The following CAPS2 variants were observed in gnomAD, a reference collection of about 807,000 sequenced individuals.
CAPS2 encodes calcyphosin-2.
Under a neutral mutation model 86.5 loss-of-function variants are expected in CAPS2, and 98 were observed. That is an observed-to-expected ratio of 1.13 (90% CI 0.96 to 1.34). The LOEUF is 1.34. Among genes scored for constraint, CAPS2 ranks in the 40% most tolerant of loss-of-function variants. The pLI, the probability that CAPS2 is intolerant of heterozygous loss-of-function variation, is 0.00. For missense variants in CAPS2, 729 were observed against 686.8 expected, an observed-to-expected ratio of 1.06 and a Z score of -0.69; for synonymous variants, 210 against 225.1, an observed-to-expected ratio of 0.93 and a Z score of 0.60.
At chr12:75,349,057 G>T (rs928682749) in intron 1 of CAPS2, among the ~76,000 whole-genome samples, 3 of 151,808 alleles carry the variant, frequency 2.0e-5, no homozygotes, top group African/African-American at 7.3e-5. Context: ...GAGTACCAGA[G>T]AAAAGAGAAC....
chr12:75,320,041 C>T (rs2040152301), intron 5 of CAPS2, among the ~76,000 whole-genome samples: 1 of 151,976 alleles, frequency 6.6e-6, no homozygotes, highest in African/African-American at 2.4e-5. Flanking sequence ...CCACTAAAAA[C>T]ATATTAAACT....
intron 1 of CAPS2, among the ~76,000 whole-genome samples, chr12:75,375,784 G>A (rs2044617288): frequency 6.6e-6 from 1 of 152,190 alleles, no homozygotes; most frequent in African/African-American, 2.4e-5. Flanking sequence ...CTTTGGCTGT[G>A]CTGTCCATTA....
At chr12:75,376,656 C>T (rs2044665169) in intron 1 of CAPS2, among the ~76,000 whole-genome samples, 1 of 152,172 alleles carries the variant, frequency 6.6e-6, no homozygotes, top group South Asian at 2.1e-4. Flanking sequence ...AGCTCAGTGC[C>T]CCCAGCCTCA....
chr12:75,311,469 C>T (rs921146452), intron 7 of CAPS2, among the ~76,000 whole-genome samples: 12 of 151,962 alleles, frequency 7.9e-5, no homozygotes, highest in African/African-American at 2.7e-4. Flanking sequence ...AAATTTCAGA[C>T]ACCCAGATTG....
chr12:75,377,020 G>A (rs1315874671), intron 1 of CAPS2, among the ~76,000 whole-genome samples: 1 of 152,128 alleles, frequency 6.6e-6, no homozygotes, highest in African/African-American at 2.4e-5. Flanking sequence ...TCCACATATA[G>A]TTGAAGGTAT....
At chr12:75,332,999 A>T (rs928118650), upstream of CAPS2, among the ~76,000 whole-genome samples, 5 of 152,206 alleles carry the variant, frequency 3.3e-5, no homozygotes, top group Non-Finnish European at 5.9e-5. Flanking sequence ...GAGCATCCTT[A>T]TCAAGCTGAT....
chr12:75,289,908 G>A (rs1395276003), intron 13 of CAPS2, 133 bp from the exon 14 acceptor site: 1 of 667,892 alleles, frequency 1.5e-6, no homozygotes, highest in Non-Finnish European at 2.5e-6. Flanking sequence ...CAAATCAAAT[G>A]TAAGACAAAA....
At chr12:75,278,686 A>T (rs947486542) in exon 17 of CAPS2, 12 of 1,266,442 alleles carry the variant, frequency 9.5e-6, no homozygotes, top group African/African-American at 1.5e-5. Context: ...ACAAACACTA[A>T]CACACCCCTA....
intron 11 of CAPS2, among the ~76,000 whole-genome samples, 172 bp from the exon 12 acceptor site, chr12:75,293,539 C>A: frequency 6.6e-6 from 1 of 152,132 alleles, no homozygotes; most frequent in Middle Eastern, 3.4e-3. Context: ...ATAGATAAAC[C>A]AATATCTCTG....
chr12:75,284,239 C>T (rs74110646), intron 15 of CAPS2, among the ~76,000 whole-genome samples: 1 of 152,010 alleles, frequency 6.6e-6, no homozygotes, highest in Non-Finnish European at 1.5e-5. Context: ...ATGTCTCTTG[C>T]CCAGTAAAAG....
chr12:75,338,850 T>C (rs1317393885), intron 1 of CAPS2, among the ~76,000 whole-genome samples: 1 of 152,182 alleles, frequency 6.6e-6, no homozygotes, highest in Non-Finnish European at 1.5e-5. Context: ...GAACATGTGG[T>C]GTTTGGTTTT....
chr12:75,310,284 G>A (rs2138765932), intron 7 of CAPS2, among the ~76,000 whole-genome samples: 1 of 152,200 alleles, frequency 6.6e-6, no homozygotes, highest in East Asian at 1.9e-4. Context: ...ATTTATTTAT[G>A]GTCAATTTAT....
chr12:75,304,876 C>T, exon 8 of CAPS2: 2 of 1,606,368 alleles, frequency 1.2e-6, no homozygotes, highest in Non-Finnish European at 1.7e-6. Context: ...TGATGACAGC[C>T]CTATACAGGA....
Position 75,305,755 on chromosome 12 carries a change from G to A in CAPS2, c.660-879C>T, listed in dbSNP as rs1252188390. 4.2e-6 allele frequency: 3 copies of A among 710,176 alleles called. No individual in the cohort carries two copies. In the Admixed American group the frequency reaches 5.4e-5, roughly 13 times the overall value. 44.0% of individuals were successfully genotyped at this position (710,176 alleles called of 1,614,324 possible). ...TGCGGGTCAAGGACCAGAAGAAGAT[G>A]ATCATCTGGTTTCCAGACATGGTGA... is the stretch of plus-strand genomic sequence containing the variant. On this transcript the variant is annotated intron_variant, in intron 7 of 16. Transcript: ENST00000393284.
exon 17 of CAPS2, chr12:75,277,215 T>C: frequency 6.2e-6 from 6 of 974,464 alleles, no homozygotes; most frequent in Non-Finnish European, 7.3e-6. Flanking sequence ...CTTCCCTTTT[T>C]TTTTTTTTTT....
At chr12:75,331,028 C>T (rs2041260710), upstream of CAPS2, among the ~76,000 whole-genome samples, 1 of 152,076 alleles carries the variant, frequency 6.6e-6, no homozygotes, top group Non-Finnish European at 1.5e-5. Context: ...CAGGTGATAC[C>T]CTGCCTCAGA....
intron 1 of CAPS2, among the ~76,000 whole-genome samples, chr12:75,337,288 T>TA (rs2041801372): frequency 1.3e-5 from 2 of 151,670 alleles, no homozygotes; most frequent in South Asian, 4.1e-4. Context: ...GTATGAGGAC[T>TA]AAAATCAATA....
chr12:75,353,376 A>AAT (rs1427109972), intron 1 of CAPS2, among the ~76,000 whole-genome samples: 6 of 152,204 alleles, frequency 3.9e-5, no homozygotes, highest in African/African-American at 1.2e-4. Context: ...CCTCTGTGCA[A>AAT]ATCACTTGGA....
chr12:75,325,173 T>C, intron 2 of CAPS2, 66 bp downstream of exon 3: 1 of 1,409,766 alleles, frequency 7.1e-7, no homozygotes, highest in Non-Finnish European at 9.5e-7. Context: ...CTTTGTTTTT[T>C]AACTAGTCAA....
Sources: allele counts gnomAD v4.1 joint callset (sites outside exome capture counted in the v4.1 genomes callset), GRCh38; gene constraint gnomAD v4.1.1; transcripts MANE v1.5; gene names NCBI Gene and HGNC (gene_info 2026-07-23, HGNC 2026-07-21).